OSBPL10: variants seen among roughly 807,000 people sequenced by gnomAD.
OSBPL10 encodes oxysterol-binding protein-related protein 10.
In OSBPL10, 49 loss-of-function variants were observed where a neutral mutation model predicts 81.7. That is an observed-to-expected ratio of 0.60 (90% CI 0.48 to 0.76). OSBPL10 has a LOEUF of 0.76. Among genes scored for constraint, OSBPL10 ranks in the 30% least tolerant of loss-of-function variants. The pLI, the probability that OSBPL10 is intolerant of heterozygous loss-of-function variation, is 0.00. For missense variants in OSBPL10, 923 were observed against 987.8 expected (o/e 0.93, Z 0.88); for synonymous variants, 419 against 383.6 (o/e 1.09, Z -1.08).
At chr3:31,729,305 T>A (rs1184254052) in intron 6 of OSBPL10, among the ~76,000 whole-genome samples, 1 of 152,136 alleles carries the variant, frequency 6.6e-6, no homozygotes, top group East Asian at 1.9e-4. Context: ...CCAGTCACAG[T>A]GGGTGCAGAA....
rs186468203 is a variant in OSBPL10, at chr3:31,915,947, T to G, written c.282-36117A>C. Among the ~76,000 whole-genome samples, 9 of 151,548 alleles carry G rather than the reference T, an allele frequency of 5.9e-5. 1 individual carries two copies. The highest frequency in any genetic ancestry group is 1.9e-4 in the African/African-American group (8 of 41,246). ...CGTCTCTACTAAAAAATATAAAAAA[T>G]TAGCCAGGTGTGGTGGTGGGAGCCT... On this transcript the variant is annotated intron_variant, in intron 1 of 11. Coordinates refer to ENST00000396556, the MANE Select transcript of OSBPL10 (RefSeq NM_017784.5).
chr3:31,994,491 A>AGGATGGATGGAT (rs200832488), intron 2 of OSBPL10, among the ~76,000 whole-genome samples: 11 of 149,766 alleles, frequency 7.3e-5, no homozygotes, highest in South Asian at 2.1e-4. Context: ...AGGGAAAAAA[A>AGGATGGATGGAT]GGATGGATGG....
intron 7 of OSBPL10, among the ~76,000 whole-genome samples, chr3:31,700,919 C>G (rs920353607): frequency 1.3e-5 from 2 of 152,158 alleles, no homozygotes; most frequent in African/African-American, 2.4e-5. Context: ...AAAACAGAAG[C>G]AGCCACACAG....
At chr3:31,747,487 T>TCAAAAAAAAAAAAAAAAAAAAAAAAAA (rs1553620893) in intron 5 of OSBPL10, among the ~76,000 whole-genome samples, 1 of 98,486 alleles carries the variant, frequency 1.0e-5, no homozygotes, top group African/African-American at 3.7e-5. Flanking sequence ...AATCTTCAAA[T>TCAAAAAAAAAAAAAAAAAAAAAAAAAA]AAAAAAAAAA....
chr3:32,042,309 G>A lies in OSBPL10; in HGVS notation n.298+4182C>T, dbSNP rs182514218. 9.2e-5 allele frequency among the ~76,000 whole-genome samples: 14 copies of A among 152,290 alleles called. No individual in the cohort carries two copies. The East Asian group carries it at 2.7e-3, about 29-fold the overall frequency. On this transcript the variant is annotated intron_variant and non_coding_transcript_variant, in intron 2 of 3. Transcript: ENST00000479173. ...CCTGTTGCACCCTTTCTGAATTCCT[G>A]ACCCACAGAATCTGTGTGCATAATA...
chr3:31,824,783 T>C (rs1700062279), intron 4 of OSBPL10, among the ~76,000 whole-genome samples: 1 of 152,126 alleles, frequency 6.6e-6, no homozygotes, highest in Non-Finnish European at 1.5e-5. Context: ...GGTTCTTCCT[T>C]GTTTGCCAGC....
intron 4 of OSBPL10, among the ~76,000 whole-genome samples, chr3:31,803,671 T>C (rs1699451566): frequency 6.6e-6 from 1 of 152,214 alleles, no homozygotes; most frequent in Non-Finnish European, 1.5e-5. Context: ...TTCCCACTAA[T>C]AGCTTTTTTT....
intron 1 of OSBPL10, among the ~76,000 whole-genome samples, chr3:31,908,059 A>T (rs4349536): frequency 0.19 from 28,581 of 152,054 alleles, 2,916 homozygotes; most frequent in Non-Finnish European, 0.24. Flanking sequence ...AGGGTAAAGC[A>T]TGGTGGCGGT....
intron 1 of OSBPL10, among the ~76,000 whole-genome samples, chr3:31,914,451 G>A (rs1430818059): frequency 6.6e-6 from 1 of 152,186 alleles, no homozygotes; most frequent in African/African-American, 2.4e-5. Flanking sequence ...GGATATGGCA[G>A]CAGGCAGTGT....
chr3:31,971,413 T>C (rs750259691), intron 1 of OSBPL10, among the ~76,000 whole-genome samples: 1 of 152,124 alleles, frequency 6.6e-6, no homozygotes, highest in Non-Finnish European at 1.5e-5. Context: ...GTGCTGGGAT[T>C]ACAGGCATGA....
intron 4 of OSBPL10, among the ~76,000 whole-genome samples, chr3:31,774,468 G>A (rs1454271456): frequency 2.6e-5 from 4 of 152,048 alleles, no homozygotes; most frequent in Non-Finnish European, 5.9e-5. Context: ...GCAAGTGGAG[G>A]GAAGAGATTG....
chr3:32,004,794 T>C (rs1699187526), intron 2 of OSBPL10, among the ~76,000 whole-genome samples: 1 of 152,202 alleles, frequency 6.6e-6, no homozygotes, highest in Non-Finnish European at 1.5e-5. Flanking sequence ...TCTAAAACAA[T>C]GCAGGCCATG....
intron 4 of OSBPL10, among the ~76,000 whole-genome samples, chr3:31,774,180 G>T (rs867826128): frequency 3.7e-5 from 5 of 133,634 alleles, no homozygotes; most frequent in African/African-American, 1.7e-4. Context: ...AAAAAAAAAA[G>T]AAAGACAGAC....
chr3:31,828,803 G>T lies in OSBPL10; in HGVS notation c.729+1237C>A, dbSNP rs150278755. Among the ~76,000 whole-genome samples, 488 of 152,324 alleles carry T rather than the reference G, an allele frequency of 3.2e-3. 5 individuals carry two copies. Among genetic ancestry groups the T allele is most frequent in the African/African-American group, 0.011 (442 of 41,572 alleles). On this transcript the variant is annotated intron_variant, in intron 4 of 11. Transcript: ENST00000396556. The stretch of plus-strand genomic sequence containing the variant: ...CCACCTTGGCCTCCCAAAGTGCTGG[G>T]ATTACAGGCATGGGCCACCAGGCCC...
At chr3:31,997,317 T>G (rs1403064722) in intron 2 of OSBPL10, among the ~76,000 whole-genome samples, 2 of 151,406 alleles carry the variant, frequency 1.3e-5, no homozygotes, top group Non-Finnish European at 2.9e-5. Flanking sequence ...CAGGCTGGAG[T>G]GCAGTGGTGC....
chr3:31,784,932 T>A (rs1433376704), intron 4 of OSBPL10, among the ~76,000 whole-genome samples: 1 of 151,192 alleles, frequency 6.6e-6, no homozygotes, highest in African/African-American at 2.4e-5. Context: ...CAGGCTGGAG[T>A]GAAGTGCAGT....
chr3:32,030,931 C>T (rs931954353), intron 2 of OSBPL10, among the ~76,000 whole-genome samples: 4 of 151,830 alleles, frequency 2.6e-5, no homozygotes, highest in South Asian at 4.2e-4. Flanking sequence ...TTTGGGAGGC[C>T]GAGGCGGGTG....
At chr3:31,733,084 A>G (rs1697027654) in intron 6 of OSBPL10, 173 bp downstream of exon 6, 3 of 794,850 alleles carry the variant, frequency 3.8e-6, no homozygotes, top group Non-Finnish European at 5.9e-6. Flanking sequence ...ACACAAGAAC[A>G]TGAGAAGTGC....
chr3:31,887,507 G>A (rs1284189904), intron 1 of OSBPL10, among the ~76,000 whole-genome samples: 1 of 152,178 alleles, frequency 6.6e-6, no homozygotes, highest in Non-Finnish European at 1.5e-5. Context: ...AGGTGGGGCT[G>A]TAATGCCTTA....
Sources: allele counts gnomAD v4.1 joint callset (sites outside exome capture counted in the v4.1 genomes callset), GRCh38; gene constraint gnomAD v4.1.1; transcripts MANE v1.5; gene names NCBI Gene and HGNC (gene_info 2026-07-23, HGNC 2026-07-21).